The following ZNF761 variants were observed in gnomAD, a reference collection of about 807,000 sequenced individuals.
ZNF761 encodes zinc finger protein 761.
ZNF761 carries 43 observed loss-of-function variants against 59.9 expected under a neutral mutation model. The ratio of observed to expected loss-of-function variants is 0.72; its 90% CI spans 0.56 to 0.92. The LOEUF is 0.92. ZNF761 is among the 40% of genes least tolerant of loss of function. The pLI, the probability that ZNF761 is intolerant of heterozygous loss-of-function variation, is 0.00. For synonymous variants in ZNF761, 294 were observed against 304.8 expected (o/e 0.96, Z 0.37); for missense variants, 850 against 906.1 (o/e 0.94, Z 0.79).
chr19:53,449,023 CA>C (rs2086190264), intron 3 of ZNF761, among the ~76,000 whole-genome samples: 1 of 152,144 alleles, frequency 6.6e-6, no homozygotes, highest in Non-Finnish European at 1.5e-5. Context: ...TACGGAATGT[CA>C]CTTGCTGTGT....
rs201159423 is a variant in ZNF761, at chr19:53,435,857, A to G, written c.-185+3829A>G. ...CACAACGACAGAACAATAATAAAACAGTTAGTATTACAAGGAAAACTACTA... is the reference window on the plus strand; with the variant it reads ...CACAACGACAGAACAATAATAAAACGGTTAGTATTACAAGGAAAACTACTA... On this transcript the variant is annotated intron_variant, in intron 1 of 4. Coordinates refer to ENST00000684525, the MANE Select transcript of ZNF761 (RefSeq NM_001289951.2). 5.9e-5 allele frequency among the ~76,000 whole-genome samples: 9 copies of G among 152,122 alleles called. No homozygotes were observed. In the East Asian group the frequency reaches 1.7e-3, roughly 29 times the overall value.
rs2086247202 is a variant in ZNF761 at position 53,454,598 on chromosome 19, T to C, written c.143-52T>C. 3 of 1,505,294 alleles carry C rather than the reference T, an allele frequency of 2.0e-6. No individual in the cohort carries two copies. The East Asian group carries it at 6.8e-5, about 34-fold the overall frequency. 93.2% of individuals were successfully genotyped at this position (1,505,294 alleles called of 1,614,324 possible). ...TGTGTCGTATTTACACATTTCAGCA[T>C]TATTTACCATCTGTACTTAATTTGA... On this transcript the variant is annotated intron_variant, in intron 4 of 4. Coordinates refer to ENST00000684525, the MANE Select transcript of ZNF761 (RefSeq NM_001289951.2).
At chr19:53,438,656 C>T (rs1230897725) in intron 1 of ZNF761, among the ~76,000 whole-genome samples, 2 of 152,140 alleles carry the variant, frequency 1.3e-5, no homozygotes, top group African/African-American at 2.4e-5. Flanking sequence ...CAGAATGTTG[C>T]TGCGTCTAAA....
At chr19:53,432,302 C>T (rs2085979174) in intron 1 of ZNF761, among the ~76,000 whole-genome samples, 1 of 152,182 alleles carries the variant, frequency 6.6e-6, no homozygotes, top group African/African-American at 2.4e-5. Flanking sequence ...TGACTCCTCC[C>T]GCCCCGCGCT....
chr19:53,455,824 G>A lies in ZNF761; in HGVS notation c.1317G>A (p.Lys439=). 6.2e-7 allele frequency: 1 copy of A among 1,613,596 alleles called. No individual in the cohort carries two copies. The highest frequency in any genetic ancestry group is 1.1e-5 in the South Asian group (1 of 91,058). ...RKIHTEDNAY[K]CNECGKTFSR... is the part of the protein sequence containing the mutation. ...TTCATACTGAAGACAATGCTTACAA[G>A]TGTAATGAGTGTGGAAAGACCTTTA... The change falls in exon 5 of 5, where the codon AAG becomes AAA. Residue 439 remains lysine (K), a synonymous_variant. Transcript: ENST00000684525.
At chr19:53,434,847 A>G (rs536877524) in intron 1 of ZNF761, among the ~76,000 whole-genome samples, 77 of 152,310 alleles carry the variant, frequency 5.1e-4, no homozygotes, top group African/African-American at 1.8e-3. Flanking sequence ...CTAGCAATCA[A>G]TGTTTTCAGC....
intron 1 of ZNF761, among the ~76,000 whole-genome samples, chr19:53,436,494 G>A (rs2086043523): frequency 1.3e-5 from 2 of 152,160 alleles, no homozygotes; most frequent in African/African-American, 4.8e-5. Flanking sequence ...TTTGGTGGGG[G>A]TGCACCTGAC....
chr19:53,441,456 T>TTTTG (rs1300361570), intron 1 of ZNF761, among the ~76,000 whole-genome samples: 40 of 16,164 alleles, frequency 2.5e-3, no homozygotes, highest in Non-Finnish European at 6.8e-3. Flanking sequence ...GTTTTTTGTT[T>TTTTG]TTTTTTTTTT....
chr19:53,438,138 G>A (rs2086061766), intron 1 of ZNF761, among the ~76,000 whole-genome samples: 1 of 121,700 alleles, frequency 8.2e-6, no homozygotes, highest in Non-Finnish European at 1.8e-5. Context: ...GAATAGCCAG[G>A]TTAGGGTGTT....
intron 4 of ZNF761, among the ~76,000 whole-genome samples, chr19:53,451,008 A>G (rs1467598354): frequency 6.6e-6 from 1 of 151,852 alleles, no homozygotes; most frequent in African/African-American, 2.4e-5. Context: ...AAAAAAAAAA[A>G]ATTCCATAAC....
chr19:53,456,745 G>A lies in ZNF761; in HGVS notation c.2238G>A (p.Val746=), dbSNP rs765660171. Residue 746 remains valine, a synonymous_variant, in exon 5 of 5, where the codon GTG becomes GTA. Transcript: ENST00000684525. ...HRRLHTGEKQ[V] is the part of the protein sequence containing the mutation. ...GACTTCATACTGGAGAAAAACAAGT[G>A]TAATGAATGTGGTGAGGTTTTTAAT... 48 of 1,613,376 alleles carry A rather than the reference G, an allele frequency of 3.0e-5. No homozygotes were observed. The East Asian group carries it at 1.1e-3, about 36-fold the overall frequency.
intron 1 of ZNF761, among the ~76,000 whole-genome samples, chr19:53,432,886 GA>G (rs1455293210): frequency 1.9e-4 from 29 of 151,914 alleles, no homozygotes; most frequent in African/African-American, 7.0e-4. Flanking sequence ...AAGGTAGGGA[GA>G]GGGACAGCAA....
chr19:53,439,195 G>A (rs2086073020), intron 1 of ZNF761, among the ~76,000 whole-genome samples: 2 of 151,544 alleles, frequency 1.3e-5, no homozygotes, highest in Non-Finnish European at 2.9e-5. Flanking sequence ...TGCTTGAACC[G>A]AGGGGGCAGA....
intron 1 of ZNF761, among the ~76,000 whole-genome samples, chr19:53,433,492 G>C (rs1407771444): frequency 6.3e-5 from 3 of 47,276 alleles, no homozygotes; most frequent in Non-Finnish European, 1.2e-4. Flanking sequence ...AGGAAAACTT[G>C]TTCTTCTTTT....
chr19:53,456,847 T>C lies in ZNF761; in HGVS notation c.*99T>C. On this transcript the variant is annotated 3_prime_UTR_variant, in exon 5 of 5. Coordinates refer to ENST00000684525, the MANE Select transcript of ZNF761 (RefSeq NM_001289951.2). ...TAGAAATGTGAAGCATGTGATAAAG[T>C]TTACAGTGGCAAATCAAGCCTCAGA... 3.7e-6 allele frequency: 5 copies of C among 1,354,800 alleles called. No individual in the cohort carries two copies. In the South Asian group the frequency reaches 6.5e-5, roughly 17 times the overall value. The allele number at this position is 1,354,800 out of a possible 1,614,324, so 83.9% of individuals were successfully genotyped here. A position where few individuals can be genotyped will look rare whatever the true frequency, so the allele number is the denominator to read the frequency against.
rs762566457 is a variant in ZNF761 at position 53,454,881 on chromosome 19, G to A, written c.374G>A (p.Arg125Gln). The A allele has an allele frequency of 6.2e-6, 10 of 1,614,004 alleles. No homozygotes were observed. The highest frequency in any genetic ancestry group is 2.2e-5 in the East Asian group (1 of 44,890). The change falls in exon 5 of 5, where the codon CGA becomes CAA. Residue 125 changes from arginine to glutamine, a missense_variant. Coordinates refer to ENST00000684525, the MANE Select transcript of ZNF761 (RefSeq NM_001289951.2). Reference protein sequence around the residue: ...KIKKLTGITERYDQSHARNKP... With the variant: ...KIKKLTGITEQYDQSHARNKP... The stretch of plus-strand genomic sequence containing the variant: ...AAAAAGTTGACAGGTATTACAGAAC[G>A]ATATGATCAAAGTCATGCTAGAAAC...
In ZNF761 at chr19:53,454,836, A is replaced by G. The variant is rs1207626218; in HGVS notation, c.329A>G (p.Glu110Gly). 6.2e-7 allele frequency: 1 copy of G among 1,614,078 alleles called. No individual in the cohort carries two copies. The highest frequency in any genetic ancestry group is 1.3e-5 in the African/African-American group (1 of 74,944). The change falls in exon 5 of 5, where the codon GAA becomes GGA. Residue 110 changes from glutamate (E) to glycine (G), a missense_variant. By Grantham distance (98) the Glu-to-Gly change is moderately conservative. Coordinates refer to ENST00000684525, the MANE Select transcript of ZNF761 (RefSeq NM_001289951.2). ...QWQEDERNGH[E>G]APMTKIKKLT... ...CAAGAAGATGAAAGAAATGGCCATG[A>G]AGCACCCATGACAAAAATCAAAAAG...
At chr19:53,438,616 A>G (rs2086066966) in intron 1 of ZNF761, among the ~76,000 whole-genome samples, 1 of 152,262 alleles carries the variant, frequency 6.6e-6, no homozygotes, top group Non-Finnish European at 1.5e-5. Flanking sequence ...CAGCTTAGCC[A>G]TCAGTGAAAA....
Position 53,436,404 on chromosome 19 carries a change from T to G in ZNF761, c.-185+4376T>G, listed in dbSNP as rs139590522. The stretch of plus-strand genomic sequence containing the variant: ...CTTGCTTAAAGTTAATTCCTCTAGT[T>G]CTTGGAGATCACCTTTAATTTGACT... On this transcript the variant is annotated intron_variant, in intron 1 of 4. Transcript: ENST00000684525. Among the ~76,000 whole-genome samples, 89 of 152,322 alleles carry G rather than the reference T, an allele frequency of 5.8e-4. No individual in the cohort carries two copies. In the East Asian group the frequency reaches 8.3e-3, roughly 14 times the overall value.
Sources: allele counts gnomAD v4.1 joint callset (sites outside exome capture counted in the v4.1 genomes callset), GRCh38; gene constraint gnomAD v4.1.1; transcripts MANE v1.5; gene names NCBI Gene and HGNC (gene_info 2026-07-23, HGNC 2026-07-21).